Variants in RBM17 observed in about 807,000 individuals in gnomAD.
The protein encoded by RBM17 is splicing factor 45.
In RBM17, 7 loss-of-function variants were observed where a neutral mutation model predicts 53.2. That is an observed-to-expected ratio of 0.13 (90% CI 0.07 to 0.25). RBM17 has a LOEUF of 0.25. Ranked by LOEUF, RBM17 falls within the 10% of genes least tolerant of loss-of-function variation. The pLI is 1.00. For missense variants in RBM17, 257 were observed against 496.7 expected (o/e 0.52, Z 4.59); for synonymous variants, 167 against 178.1 (o/e 0.94, Z 0.50).
chr10:6,108,617 G>A, intron 5 of RBM17, 69 bp from the exon 6 acceptor site: 1 of 1,241,226 alleles, frequency 8.1e-7, no homozygotes, highest in Non-Finnish European at 1.2e-6. Context: ...TAGATATATG[G>A]TGTGTCATAG....
Position 6,115,245 on chromosome 10 carries a change from G to A in RBM17, c.1036G>A (p.Gly346Ser), listed in dbSNP as rs772094602. The A allele has an allele frequency of 3.1e-6, 5 of 1,612,330 alleles. No homozygotes were observed. Among genetic ancestry groups the A allele is most frequent in the South Asian group, 1.1e-5 (1 of 90,564 alleles). The part of the protein sequence containing the change: ...VGKCVIFEIP[G>S]APDDEAVRIF... ...CGCTCTCATTTTCTTCCAGATTCCT[G>A]GTGCCCCTGATGATGAAGCAGTACG... Residue 346 changes from glycine (G) to serine (S), a missense_variant, in exon 11 of 12, where the codon GGT becomes AGT. By Grantham distance (56) the Gly-to-Ser change is moderately conservative. Around this residue, in one of 6 missense-constraint regions of RBM17, gnomAD observed 49 missense variants for 114.8 expected, o/e 0.43. Coordinates refer to ENST00000379888, the MANE Select transcript of RBM17 (RefSeq NM_032905.5).
intron 2 of RBM17, among the ~76,000 whole-genome samples, chr10:6,100,470 G>A (rs1840654173): frequency 6.6e-6 from 1 of 152,158 alleles, no homozygotes; most frequent in Non-Finnish European, 1.5e-5. Context: ...ACAAGGCATA[G>A]AGGAACAAGC....
At chr10:6,103,088 G>A (rs764590711) in intron 3 of RBM17, among the ~76,000 whole-genome samples, 6 of 152,144 alleles carry the variant, frequency 3.9e-5, no homozygotes, top group South Asian at 2.1e-4. Context: ...CACTGCACCC[G>A]GCCCTCTAAT....
intron 1 of RBM17, among the ~76,000 whole-genome samples, chr10:6,092,145 A>T (rs1840495239): frequency 6.6e-6 from 1 of 152,366 alleles, no homozygotes; most frequent in East Asian, 1.9e-4. Flanking sequence ...CAAATATTTT[A>T]AAGTTATAAA....
intron 8 of RBM17, 107 bp from the exon 9 acceptor site, chr10:6,113,401 C>T (rs546066816): frequency 8.2e-6 from 6 of 734,794 alleles, no homozygotes; most frequent in Admixed American, 2.2e-5. Flanking sequence ...TGGTGGGGAT[C>T]GCTATTGAAA....
chr10:6,092,274 A>G (rs993722322), intron 1 of RBM17, among the ~76,000 whole-genome samples: 12 of 152,226 alleles, frequency 7.9e-5, no homozygotes, highest in African/African-American at 2.9e-4. Context: ...TATGTTGTCT[A>G]AGTAATAATG....
chr10:6,097,245 G>A (rs1840590103), intron 2 of RBM17, 57 bp downstream of exon 2: 2 of 1,572,800 alleles, frequency 1.3e-6, no homozygotes, highest in East Asian at 2.2e-5. Flanking sequence ...TCCTCATTAG[G>A]ATGACAAGGA....
At chr10:6,101,680 A>G (rs1453202392) in intron 3 of RBM17, among the ~76,000 whole-genome samples, 1 of 152,118 alleles carries the variant, frequency 6.6e-6, no homozygotes, top group African/African-American at 2.4e-5. Context: ...TCCTGTGCCT[A>G]CTCCACCTTC....
At chr10:6,104,228 T>C (rs1370372266) in intron 3 of RBM17, among the ~76,000 whole-genome samples, 1 of 152,212 alleles carries the variant, frequency 6.6e-6, no homozygotes, top group Non-Finnish European at 1.5e-5. Flanking sequence ...GTTTTGCTAA[T>C]TTCTTTGTCA....
In RBM17 at chr10:6,103,422, C is replaced by CAA. The variant is rs530839661; in HGVS notation, c.241-1508_241-1507insAA. ...TTTTTTCTTTGAAATTTTGAAGTGT[C>CAA]AGAGAATGAACCTTCATATTGACAG... On this transcript the variant is annotated intron_variant, in intron 3 of 11. Coordinates refer to ENST00000379888, the MANE Select transcript of RBM17 (RefSeq NM_032905.5). Among the ~76,000 whole-genome samples the CAA allele has an allele frequency of 3.2e-4, 49 of 152,274 alleles. 2 individuals carry two copies. The South Asian group carries it at 3.3e-3, about 10-fold the overall frequency.
chr10:6,104,512 A>G (rs1280663152), intron 3 of RBM17, among the ~76,000 whole-genome samples: 1 of 152,256 alleles, frequency 6.6e-6, no homozygotes, highest in Non-Finnish European at 1.5e-5. Context: ...TTATTCTGTT[A>G]AAATGATGAC....
intron 1 of RBM17, among the ~76,000 whole-genome samples, chr10:6,091,218 T>C (rs1840480127): frequency 6.6e-6 from 1 of 151,100 alleles, no homozygotes; most frequent in African/African-American, 2.4e-5. Flanking sequence ...GCAACCATGC[T>C]CGGCCAATTT....
intron 1 of RBM17, among the ~76,000 whole-genome samples, chr10:6,092,159 C>G (rs1385868609): frequency 6.6e-6 from 1 of 152,094 alleles, no homozygotes; most frequent in Admixed American, 6.5e-5. Context: ...TTATAAAAAC[C>G]AGCAATTTGT....
intron 7 of RBM17, 122 bp downstream of exon 7, chr10:6,110,249 C>G: frequency 1.3e-6 from 1 of 778,252 alleles, no homozygotes; most frequent in Non-Finnish European, 1.9e-6. Context: ...GTGCAGGTCA[C>G]ACGGTACCTG....
chr10:6,100,473 G>C (rs1840654207), intron 2 of RBM17, among the ~76,000 whole-genome samples: 1 of 152,086 alleles, frequency 6.6e-6, no homozygotes, highest in African/African-American at 2.4e-5. Context: ...AGGCATAGAG[G>C]AACAAGCTCA....
At chr10:6,110,257 C>T (rs41295353) in intron 7 of RBM17, 130 bp downstream of exon 7, 4 of 646,078 alleles carry the variant, frequency 6.2e-6, no homozygotes, top group African/African-American at 1.9e-5. Context: ...CACACGGTAC[C>T]TGCCTCAATC....
At position 6,089,564 on chromosome 10, in the gene RBM17, G is replaced by C. The variant is rs1195474222; in HGVS notation, c.-19+371G>C. ...TCTGGTCACCAGAACCGAGTAGCCC[G>C]TAGCGTGTCCCCCCTGGCCCTGCAC... On this transcript the variant is annotated intron_variant, in intron 1 of 11. Transcript: ENST00000379888. This position sits in a 1 kb window ranked among gnomAD's most constrained non-coding sequence, Gnocchi z 5.6. 6.5e-6 allele frequency: 1 copy of C among 152,784 alleles called. No homozygotes were observed. Among genetic ancestry groups the C allele is most frequent in the Admixed American group, 6.5e-5 (1 of 15,288 alleles). The allele number at this position is 152,784 out of a possible 1,614,324, so 9.5% of individuals were successfully genotyped here. A position where few individuals can be genotyped will look rare whatever the true frequency, so the allele number is the denominator to read the frequency against.
intron 9 of RBM17, 31 bp from the exon 10 acceptor site, chr10:6,114,017 GT>G (rs769683838): frequency 1.7e-5 from 24 of 1,394,514 alleles, no homozygotes; most frequent in Non-Finnish European, 2.4e-5. Context: ...GTTATACTTG[GT>G]ACTTGAATTT....
chr10:6,107,305 G>C (rs1466757969), intron 5 of RBM17, among the ~76,000 whole-genome samples: 4 of 151,706 alleles, frequency 2.6e-5, no homozygotes, highest in African/African-American at 9.7e-5. Context: ...GGCCTCCAGA[G>C]TAGCTGGGAT....
Sources: allele counts gnomAD v4.1 joint callset (sites outside exome capture counted in the v4.1 genomes callset), GRCh38; gene constraint gnomAD v4.1.1; regional missense constraint gnomAD v4.1.1; non-coding constraint Gnocchi (gnomAD v3.1); transcripts MANE v1.5; gene names NCBI Gene and HGNC (gene_info 2026-07-23, HGNC 2026-07-21).